CYP2C18: variants seen among roughly 807,000 people sequenced by gnomAD.
The protein encoded by CYP2C18 is cytochrome P450 family 2 subfamily C member 18.
In CYP2C18, 38 loss-of-function variants were observed where a neutral mutation model predicts 41.3. The observed-to-expected ratio is 0.92, with a 90% confidence interval of 0.71 to 1.21. CYP2C18 has a LOEUF of 1.21. Among genes scored for constraint, CYP2C18 ranks in the 50% most tolerant of loss-of-function variants. The pLI, the probability that CYP2C18 is intolerant of heterozygous loss-of-function variation, is 0.00. For synonymous variants in CYP2C18, 236 were observed against 210.0 expected, an observed-to-expected ratio of 1.12 and a Z score of -1.07; for missense variants, 635 against 591.4, an observed-to-expected ratio of 1.07 and a Z score of -0.77.
At chr10:94,719,636 G>T (rs1220706341) in intron 5 of CYP2C18, among the ~76,000 whole-genome samples, 1 of 151,768 alleles carries the variant, frequency 6.6e-6, no homozygotes, top group Non-Finnish European at 1.5e-5. Flanking sequence ...GTGCAGTGGT[G>T]TGATCTCGGC....
In CYP2C18 at chr10:94,694,909, T is replaced by A. The variant is rs373019823; in HGVS notation, c.482-8T>A. The A allele has an allele frequency of 6.2e-7, 1 of 1,608,218 alleles. No homozygotes were observed. Among genetic ancestry groups the A allele is most frequent in the Non-Finnish European group, 8.5e-7 (1 of 1,178,294 alleles). On this transcript the variant is annotated splice_polypyrimidine_tract_variant and splice_region_variant and intron_variant, in intron 3 of 8. Transcript: ENST00000285979. Reference sequence around the variant, plus strand: ...TAATGGTAATTTAAAATATTTCCAATCCTTTAGCCTCACCCTGTGATCCCA... The same window carrying A: ...TAATGGTAATTTAAAATATTTCCAAACCTTTAGCCTCACCCTGTGATCCCA...
rs924555974 is a variant in CYP2C18, at chr10:94,708,089, C to G, written c.819+1129C>G. On this transcript the variant is annotated intron_variant, in intron 5 of 8. Coordinates refer to ENST00000285979, the MANE Select transcript of CYP2C18 (RefSeq NM_000772.3). ...TATTTTATTCAACCGCTTTACAGCA[C>G]TAGGTGGAAATGCAGAATCAGTCAG... Among the ~76,000 whole-genome samples, 3 of 152,112 alleles carry G rather than the reference C, an allele frequency of 2.0e-5. No homozygotes were observed. In the South Asian group the frequency reaches 6.2e-4, roughly 32 times the overall value.
chr10:94,725,005 T>A (rs1389535614), intron 7 of CYP2C18, among the ~76,000 whole-genome samples: 1 of 151,046 alleles, frequency 6.6e-6, no homozygotes, highest in Admixed American at 6.6e-5. Context: ...GTTCAGTGGC[T>A]TTCTCATGTA....
Position 94,731,548 on chromosome 10 carries a change from C to T in CYP2C18, c.1150-1749C>T, listed in dbSNP as rs911496481. The stretch of plus-strand genomic sequence containing the variant: ...AAAAAGAACAAAGCTGGAGTCGTCA[C>T]GCTACCAGACTTCAAACTATGCTAT... On this transcript the variant is annotated intron_variant, in intron 7 of 8. Coordinates refer to ENST00000285979, the MANE Select transcript of CYP2C18 (RefSeq NM_000772.3). Among the ~76,000 whole-genome samples the T allele has an allele frequency of 9.2e-5, 14 of 152,226 alleles. No homozygotes were observed. The South Asian group carries it at 1.0e-3, about 11-fold the overall frequency.
chr10:94,716,526 T>C (rs1033139448), intron 5 of CYP2C18, among the ~76,000 whole-genome samples: 1 of 152,230 alleles, frequency 6.6e-6, no homozygotes, highest in Non-Finnish European at 1.5e-5. Context: ...TCTAGTTTGA[T>C]TGTACTGTGG....
rs371704710 is a variant in CYP2C18, at chr10:94,706,953, T to A, written c.812T>A (p.Met271Lys). ...TTTATTGATTGTTTCCTGATCAAAA[T>A]GGAACAGGTAAAATGTTATTTGTTT... The part of the protein sequence containing the change: ...RDFIDCFLIK[M>K]EQEKHNQQSE... Residue 271 changes from methionine to lysine, a missense_variant, in exon 5 of 9, where the codon ATG (methionine) becomes AAG (lysine). Coordinates refer to ENST00000285979, the MANE Select transcript of CYP2C18 (RefSeq NM_000772.3). 1.9e-6 allele frequency: 3 copies of A among 1,606,524 alleles called. No homozygotes were observed. In the African/African-American group the frequency reaches 4.0e-5, roughly 22 times the overall value.
chr10:94,719,813 G>A (rs1174653020), intron 5 of CYP2C18, among the ~76,000 whole-genome samples: 2 of 151,992 alleles, frequency 1.3e-5, no homozygotes, highest in East Asian at 1.9e-4. Flanking sequence ...GACCTCAGGT[G>A]ACTGCCTGTC....
chr10:94,711,717 A>G (rs376952716), intron 5 of CYP2C18, among the ~76,000 whole-genome samples: 60 of 151,970 alleles, frequency 3.9e-4, no homozygotes, highest in African/African-American at 1.4e-3. Flanking sequence ...AGTCTAAATT[A>G]CCTATAATTC....
intron 8 of CYP2C18, 99 bp from the exon 9 acceptor site, chr10:94,735,164 C>A: frequency 8.3e-7 from 1 of 1,209,934 alleles, no homozygotes; most frequent in Non-Finnish European, 1.2e-6. Flanking sequence ...TCGATCCATC[C>A]ATCTATTTAA....
intron 4 of CYP2C18, among the ~76,000 whole-genome samples, chr10:94,696,896 T>C (rs1345942184): frequency 6.6e-6 from 1 of 151,966 alleles, no homozygotes; most frequent in Non-Finnish European, 1.5e-5. Context: ...GAAGATCAAA[T>C]TAATGAAATG....
intron 6 of CYP2C18, among the ~76,000 whole-genome samples, chr10:94,720,934 A>G (rs540296859): frequency 1.4e-3 from 206 of 152,194 alleles, no homozygotes; most frequent in Non-Finnish European, 2.3e-3. Flanking sequence ...TAGAAATTTT[A>G]TTTCACTAAA....
chr10:94,691,432 AAG>A (rs1385551091), intron 3 of CYP2C18, among the ~76,000 whole-genome samples: 1 of 152,166 alleles, frequency 6.6e-6, no homozygotes, highest in Admixed American at 6.6e-5. Flanking sequence ...AATTGCTTCA[AAG>A]AGAATAAAAT....
Position 94,687,862 on chromosome 10 carries a change from G to A in CYP2C18, c.261G>A (p.Leu87=). 8 of 1,613,870 alleles carry A rather than the reference G, an allele frequency of 5.0e-6. No individual in the cohort carries two copies. Among genetic ancestry groups the A allele is most frequent in the Non-Finnish European group, 5.9e-6 (7 of 1,179,810 alleles). Residue 87 remains leucine (L), a synonymous_variant, in exon 2 of 9, where the codon CTG becomes CTA. Coordinates refer to ENST00000285979, the MANE Select transcript of CYP2C18 (RefSeq NM_000772.3). ...LHGYEAVKEA[L]IDHGEEFSGR... ...GATATGAAGCAGTGAAGGAGGCCCT[G>A]ATTGATCATGGAGAGGAGTTTTCTG...
At chr10:94,706,585 C>A (rs2296683) in intron 4 of CYP2C18, among the ~76,000 whole-genome samples, 199 bp from the exon 5 acceptor site, 30,456 of 151,998 alleles carry the variant, frequency 0.2, 3,246 homozygotes, top group Middle Eastern at 0.23. Context: ...AAATTATCAT[C>A]TTTGATCCCT....
At chr10:94,715,428 T>C (rs1847521639) in intron 5 of CYP2C18, among the ~76,000 whole-genome samples, 1 of 152,216 alleles carries the variant, frequency 6.6e-6, no homozygotes, top group African/African-American at 2.4e-5. Context: ...CTGCATGTAG[T>C]ATTGAGATAA....
intron 5 of CYP2C18, 60 bp downstream of exon 5, chr10:94,707,020 C>T (rs991095922): frequency 6.2e-6 from 9 of 1,459,630 alleles, no homozygotes; most frequent in Middle Eastern, 3.5e-4. Context: ...ATAACGATTG[C>T]TTAAATAGTG....
intron 3 of CYP2C18, among the ~76,000 whole-genome samples, chr10:94,692,461 C>A (rs1451887418): frequency 6.6e-6 from 1 of 151,972 alleles, no homozygotes; most frequent in African/African-American, 2.4e-5. Flanking sequence ...CAAATCAAAA[C>A]CACAATGAGA....
chr10:94,724,841 T>C (rs910210930), intron 7 of CYP2C18, among the ~76,000 whole-genome samples: 6 of 151,990 alleles, frequency 3.9e-5, no homozygotes, highest in Non-Finnish European at 8.8e-5. Flanking sequence ...CCCAAAACAC[T>C]GTGCTGGGAT....
intron 6 of CYP2C18, among the ~76,000 whole-genome samples, chr10:94,722,912 T>G (rs1191134717): frequency 6.6e-6 from 1 of 152,070 alleles, no homozygotes; most frequent in Non-Finnish European, 1.5e-5. Context: ...TGGAAAGACC[T>G]CCATTTTTCA....
Sources: allele counts gnomAD v4.1 joint callset (sites outside exome capture counted in the v4.1 genomes callset), GRCh38; gene constraint gnomAD v4.1.1; transcripts MANE v1.5; gene names NCBI Gene and HGNC (gene_info 2026-07-23, HGNC 2026-07-21).